The following RBFOX1 variants were observed in gnomAD, a reference collection of about 807,000 sequenced individuals.
RBFOX1 encodes the protein RNA binding protein fox-1 homolog 1.
In RBFOX1, 8 loss-of-function variants were observed where a neutral mutation model predicts 57.7. That is an observed-to-expected ratio of 0.14 (90% CI 0.08 to 0.25). RBFOX1 has a LOEUF of 0.25. Ranked by LOEUF, RBFOX1 falls within the 10% of genes least tolerant of loss-of-function variation. RBFOX1 has a pLI of 1.00. For missense variants in RBFOX1, 611 were observed against 548.5 expected (o/e 1.11, Z -1.14); for synonymous variants, 326 against 222.4 (o/e 1.47, Z -4.15).
At chr16:6,305,798 G>A (rs2079439799) in intron 1 of RBFOX1, among the ~76,000 whole-genome samples, 1 of 152,010 alleles carries the variant, frequency 6.6e-6, no homozygotes. Context: ...TGCTGGAGCT[G>A]CCAGTTGCAC....
chr16:6,804,734 C>T (rs1203957169), intron 3 of RBFOX1, among the ~76,000 whole-genome samples: 1 of 152,114 alleles, frequency 6.6e-6, no homozygotes, highest in Non-Finnish European at 1.5e-5. Flanking sequence ...CTGTTTACTT[C>T]ATGAGAGCCC....
At chr16:5,439,824 C>A (rs990026291) in intron 1 of RBFOX1, among the ~76,000 whole-genome samples, 1 of 151,860 alleles carries the variant, frequency 6.6e-6, no homozygotes, top group East Asian at 1.9e-4. Context: ...GAAGGGGAAG[C>A]AAACATGTCC....
intron 4 of RBFOX1, among the ~76,000 whole-genome samples, chr16:7,502,025 C>T (rs1006571010): frequency 6.6e-6 from 1 of 152,180 alleles, no homozygotes; most frequent in Non-Finnish European, 1.5e-5. Context: ...CAGTTCATTG[C>T]CCTTGCTTTC....
chr16:7,396,130 C>T (rs1047177563), intron 4 of RBFOX1, among the ~76,000 whole-genome samples: 1 of 151,988 alleles, frequency 6.6e-6, no homozygotes, highest in African/African-American at 2.4e-5. Flanking sequence ...TGTTCTTTTG[C>T]CAATAACCAG....
chr16:6,877,706 T>C (rs756833539), intron 3 of RBFOX1, among the ~76,000 whole-genome samples: 10 of 152,120 alleles, frequency 6.6e-5, no homozygotes, highest in East Asian at 5.8e-4. Flanking sequence ...AGTGAGAAAA[T>C]AGAGGCTCAA....
chr16:6,631,237 A>T (rs952728317), intron 2 of RBFOX1, among the ~76,000 whole-genome samples: 1 of 152,108 alleles, frequency 6.6e-6, no homozygotes, highest in Non-Finnish European at 1.5e-5. Context: ...AAGAAGGAAG[A>T]TAAGGACAAG....
At chr16:5,454,837 TTTCCTTTCTTTCTTTCTTTTCTTTCTTTC>T (rs2068538815) in intron 1 of RBFOX1, among the ~76,000 whole-genome samples, 2 of 140,070 alleles carry the variant, frequency 1.4e-5, no homozygotes, top group African/African-American at 2.8e-5. Flanking sequence ...CCTTGCTTTC[TTTCCTTTCTTTCTTTCTTTTCTTTCTTTC>T]TTTCTTTCTT....
chr16:6,473,852 C>G (rs2095231111), intron 2 of RBFOX1, among the ~76,000 whole-genome samples: 1 of 152,162 alleles, frequency 6.6e-6, no homozygotes. Context: ...GCACACTTGG[C>G]TTTCTCTGAT....
intron 2 of RBFOX1, among the ~76,000 whole-genome samples, chr16:6,521,511 C>T (rs985956786): frequency 1.4e-5 from 2 of 147,772 alleles, no homozygotes; most frequent in African/African-American, 2.6e-5. Flanking sequence ...ATCCCCTCCC[C>T]TTCGCTTTTC....
At chr16:6,590,778 G>C (rs1171163740) in intron 2 of RBFOX1, among the ~76,000 whole-genome samples, 1 of 152,144 alleles carries the variant, frequency 6.6e-6, no homozygotes, top group East Asian at 1.9e-4. Context: ...ATGGGTGTTT[G>C]ATAATTAGGG....
At chr16:5,913,911 G>A (rs1473847396) in intron 4 of RBFOX1, among the ~76,000 whole-genome samples, 1 of 152,238 alleles carries the variant, frequency 6.6e-6, no homozygotes, top group Non-Finnish European at 1.5e-5. Context: ...ACGCTAAGAG[G>A]TGGACAGGGT....
chr16:6,629,644 T>A (rs970710263), intron 2 of RBFOX1, among the ~76,000 whole-genome samples: 1 of 151,862 alleles, frequency 6.6e-6, no homozygotes, highest in Non-Finnish European at 1.5e-5. Flanking sequence ...CAGAGCCCCT[T>A]AACTGGAGAT....
chr16:7,006,624 G>T (rs868105693), intron 3 of RBFOX1, among the ~76,000 whole-genome samples: 1 of 151,942 alleles, frequency 6.6e-6, no homozygotes, highest in South Asian at 2.1e-4. Flanking sequence ...TTGGTTTCGG[G>T]TTTTATAGAG....
chr16:7,336,242 G>C (rs62014054), intron 4 of RBFOX1, among the ~76,000 whole-genome samples: 1 of 152,146 alleles, frequency 6.6e-6, no homozygotes, highest in Non-Finnish European at 1.5e-5. Flanking sequence ...CAAAACAACA[G>C]CTTTGTAACT....
In RBFOX1 at chr16:6,893,002, C is replaced by G. The variant is rs907598514; in HGVS notation, c.-15-159055C>G. ...CTTTTAATTGCAAAAACTACAATTA[C>G]TTTTCATTGCAAACACTGCAGTTAC... On this transcript the variant is annotated intron_variant, in intron 3 of 15. Coordinates refer to ENST00000550418, the MANE Select transcript of RBFOX1 (RefSeq NM_018723.4). Among the ~76,000 whole-genome samples the G allele has an allele frequency of 9.2e-5, 14 of 152,256 alleles. 2 individuals are homozygous for G. Among genetic ancestry groups the G allele is most frequent in the East Asian group, 1.9e-4 (1 of 5,184 alleles).
At chr16:6,574,345 G>A (rs1264102937) in intron 2 of RBFOX1, among the ~76,000 whole-genome samples, 4 of 151,774 alleles carry the variant, frequency 2.6e-5, no homozygotes, top group Admixed American at 2.0e-4. Context: ...CTGCCTGTGC[G>A]TCAGTTTTTC....
intron 1 of RBFOX1, among the ~76,000 whole-genome samples, chr16:6,184,766 G>A (rs1006693393): frequency 1.2e-3 from 186 of 150,872 alleles, no homozygotes; most frequent in African/African-American, 4.4e-3. Context: ...ACGGGGTTTC[G>A]CCATGTTGGC....
intron 3 of RBFOX1, among the ~76,000 whole-genome samples, chr16:6,953,673 C>T (rs915797730): frequency 1.3e-5 from 2 of 152,152 alleles, no homozygotes; most frequent in African/African-American, 2.4e-5. Context: ...GGGCATGAGC[C>T]ACAGTGCCCA....
At chr16:5,768,925 G>T (rs1047976640) in intron 3 of RBFOX1, among the ~76,000 whole-genome samples, 2 of 151,920 alleles carry the variant, frequency 1.3e-5, no homozygotes, top group Non-Finnish European at 2.9e-5. Context: ...AAGTGGTTTA[G>T]ATTATCAGAT....
Sources: gnomAD v4.1 joint callset for allele counts (sites outside exome capture counted in the v4.1 genomes callset) on GRCh38, gnomAD v4.1.1 for gene constraint, MANE v1.5 for transcripts, NCBI Gene and HGNC (gene_info 2026-07-23, HGNC 2026-07-21) for gene names.